Variants in CRTC3 observed in about 807,000 individuals in gnomAD.
The protein encoded by CRTC3 is CREB-regulated transcription coactivator 3.
A neutral mutation model predicts 74.5 loss-of-function variants in CRTC3; 26 were observed. The observed-to-expected ratio is 0.35, with a 90% confidence interval of 0.26 to 0.48. The LOEUF is 0.48. CRTC3 is among the 20% of genes least tolerant of loss of function. CRTC3 has a pLI of 0.99. For synonymous variants in CRTC3, 377 were observed against 325.8 expected (o/e 1.16, Z -1.69); for missense variants, 760 against 787.3 (o/e 0.97, Z 0.41).
rs564097304 is a variant in CRTC3 at position 90,634,108 on chromosome 15, C to G, written c.1267-4338C>G. On this transcript the variant is annotated intron_variant, in intron 11 of 14. Transcript: ENST00000268184. ...TCCTCCTATACCCATCATTTACCCT[C>G]AACAATTAATTTTTTTTTTTTGAGA... 1.0e-4 allele frequency among the ~76,000 whole-genome samples: 12 copies of G among 118,256 alleles called. 1 individual carries two copies. Among genetic ancestry groups the G allele is most frequent in the Admixed American group, 9.2e-4 (10 of 10,828 alleles). The allele number at this position is 118,256 out of a possible 152,430, so 77.6% of individuals were successfully genotyped here.
At chr15:90,613,196 A>G (rs1968407696) in intron 6 of CRTC3, among the ~76,000 whole-genome samples, 1 of 151,848 alleles carries the variant, frequency 6.6e-6, no homozygotes, top group Admixed American at 6.6e-5. Context: ...AAAAAAAAAA[A>G]AAAAAAAAAA....
chr15:90,556,078 T>A (rs1166578364), intron 2 of CRTC3, among the ~76,000 whole-genome samples: 2 of 152,070 alleles, frequency 1.3e-5, no homozygotes, highest in African/African-American at 4.8e-5. Flanking sequence ...ATATTTATAT[T>A]ATTTTTTTCT....
intron 2 of CRTC3, among the ~76,000 whole-genome samples, chr15:90,566,080 A>T (rs1967116007): frequency 6.6e-6 from 1 of 152,196 alleles, no homozygotes; most frequent in African/African-American, 2.4e-5. Context: ...ATTTGCTCAT[A>T]AGGAGAAAGT....
chr15:90,604,955 A>T (rs977076994), intron 5 of CRTC3, among the ~76,000 whole-genome samples: 1 of 152,192 alleles, frequency 6.6e-6, no homozygotes, highest in African/African-American at 2.4e-5. Flanking sequence ...CTAATAGGTG[A>T]AGGACTAGGA....
chr15:90,575,650 C>T (rs1427654466), intron 2 of CRTC3, among the ~76,000 whole-genome samples: 2 of 152,084 alleles, frequency 1.3e-5, no homozygotes, highest in Non-Finnish European at 2.9e-5. Flanking sequence ...TTGAGACTTC[C>T]TATTCTCTTT....
intron 1 of CRTC3, among the ~76,000 whole-genome samples, chr15:90,535,083 C>T (rs1437536771): frequency 6.6e-6 from 1 of 151,560 alleles, no homozygotes; most frequent in African/African-American, 2.4e-5. Flanking sequence ...ATCGCTTGAA[C>T]CTGGGAGGCG....
At chr15:90,569,922 C>T (rs996783363) in intron 2 of CRTC3, among the ~76,000 whole-genome samples, 3 of 152,092 alleles carry the variant, frequency 2.0e-5, no homozygotes, top group Admixed American at 6.5e-5. Context: ...AAACCTGTAG[C>T]CTGATAATGT....
intron 9 of CRTC3, among the ~76,000 whole-genome samples, chr15:90,622,033 C>A (rs974024635): frequency 1.3e-5 from 2 of 152,104 alleles, no homozygotes; most frequent in Admixed American, 6.5e-5. Context: ...GACAGGCAGC[C>A]ACCAGCGGGC....
In CRTC3 at chr15:90,540,117, A is replaced by C; in HGVS notation, c.211A>C (p.Ser71Arg). 6.2e-7 allele frequency: 1 copy of C among 1,612,700 alleles called. No individual in the cohort carries two copies. Among genetic ancestry groups the C allele is most frequent in the African/African-American group, 1.3e-5 (1 of 74,998 alleles). ...CTTACCAAATGTGAGCCAGCTGCGGAGCAGTGCGTCAGAGTTTCAGGTACC... is the reference window on the plus strand; with the variant it reads ...CTTACCAAATGTGAGCCAGCTGCGGCGCAGTGCGTCAGAGTTTCAGGTACC... ...GSLPNVSQLR[S>R]SASEFQPSFH... The change falls in exon 2 of 15, where the codon AGC (serine) becomes CGC (arginine). Residue 71 changes from serine to arginine, a missense_variant. Transcript: ENST00000268184.
Position 90,644,353 on chromosome 15 carries a change from G to A in CRTC3, c.*2213G>A, listed in dbSNP as rs1331545662. ...ACAGGCGATGGTGCTGATGTTTCAA[G>A]AATTGTGTTTTTATAAAACAGAGGT... On this transcript the variant is annotated 3_prime_UTR_variant, in exon 15 of 15. Transcript: ENST00000268184. 1 of 230,554 alleles carries A rather than the reference G, an allele frequency of 4.3e-6. No individual in the cohort carries two copies. The highest frequency in any genetic ancestry group is 2.2e-5 in the African/African-American group (1 of 45,152). The allele number at this position is 230,554 out of a possible 1,614,324, so 14.3% of individuals were successfully genotyped here.
Position 90,641,965 on chromosome 15 carries a change from A to G in CRTC3, c.1685A>G (p.Asn562Ser), listed in dbSNP as rs1359040249. The change falls in exon 15 of 15, where the codon AAC becomes AGC. Residue 562 changes from asparagine to serine, a missense_variant. By Grantham distance (46) the Asn-to-Ser change is conservative. Transcript: ENST00000268184. ...DSSTSLFKDLNSALAGLPEVS... is the reference protein window; with the variant it reads ...DSSTSLFKDLSSALAGLPEVS... ...AGCACCAGCCTGTTCAAAGACCTCA[A>G]CAGTGCGCTGGCAGGCCTGCCTGAG... The G allele has an allele frequency of 3.7e-6, 6 of 1,613,636 alleles. No homozygotes were observed. The East Asian group carries it at 6.7e-5, about 18-fold the overall frequency.
chr15:90,603,190 T>A (rs1374135816), intron 4 of CRTC3, among the ~76,000 whole-genome samples: 4 of 151,990 alleles, frequency 2.6e-5, no homozygotes, highest in Admixed American at 6.6e-5. Context: ...ATGCCTGTAA[T>A]CCCAGCACTT....
At chr15:90,641,877 TG>T in intron 14 of CRTC3, 54 bp from the exon 15 acceptor site, 1 of 1,514,490 alleles carries the variant, frequency 6.6e-7, no homozygotes, top group Non-Finnish European at 9.1e-7. Flanking sequence ...CTTAGTAGCC[TG>T]GAGCCTTCGC....
At chr15:90,629,104 G>A (rs1357895553) in intron 10 of CRTC3, 130 bp from the exon 11 acceptor site, 4 of 803,440 alleles carry the variant, frequency 5.0e-6, no homozygotes, top group Non-Finnish European at 7.7e-6. Flanking sequence ...CCCTGTAGGA[G>A]AGCTGTCCAG....
intron 13 of CRTC3, among the ~76,000 whole-genome samples, chr15:90,640,688 AAG>A (rs1969406198): frequency 6.6e-6 from 1 of 151,896 alleles, no homozygotes; most frequent in Non-Finnish European, 1.5e-5. Flanking sequence ...TAAAAAAAAA[AAG>A]AAGAAAGAAA....
intron 2 of CRTC3, among the ~76,000 whole-genome samples, chr15:90,559,843 T>C (rs889244189): frequency 3.3e-5 from 5 of 152,220 alleles, no homozygotes; most frequent in African/African-American, 1.2e-4. Flanking sequence ...GGGTTTTGCC[T>C]TGATGGCCAC....
At position 90,636,994 on chromosome 15, in the gene CRTC3, G is replaced by A. The variant is rs555668459; in HGVS notation, c.1267-1452G>A. On this transcript the variant is annotated intron_variant, in intron 11 of 14. Coordinates refer to ENST00000268184, the MANE Select transcript of CRTC3 (RefSeq NM_022769.5). The stretch of plus-strand genomic sequence containing the variant: ...GTTCAACCATTGTGGAAGTCAGTGT[G>A]GCGATTCCTTAGGGATCTTGAACTA... Among the ~76,000 whole-genome samples the A allele has an allele frequency of 7.9e-5, 12 of 152,306 alleles. No individual in the cohort carries two copies. The East Asian group carries it at 2.1e-3, about 27-fold the overall frequency.
intron 1 of CRTC3, chr15:90,539,664 G>T: frequency 3.9e-6 from 1 of 258,078 alleles, no homozygotes; most frequent in South Asian, 4.1e-5. Flanking sequence ...ACGGAGGCTG[G>T]AAAAGAGCAT....
At chr15:90,541,228 A>C (rs2151056665) in intron 2 of CRTC3, among the ~76,000 whole-genome samples, 1 of 152,328 alleles carries the variant, frequency 6.6e-6, no homozygotes, top group South Asian at 2.1e-4. Context: ...TTCGGTGTTA[A>C]AGTTGAGATA....
Sources: allele counts gnomAD v4.1 joint callset (sites outside exome capture counted in the v4.1 genomes callset), GRCh38; gene constraint gnomAD v4.1.1; transcripts MANE v1.5; gene names NCBI Gene and HGNC (gene_info 2026-07-23, HGNC 2026-07-21).